Variants in SLC14A2 observed in about 807,000 individuals in gnomAD.
The protein encoded by SLC14A2 is urea transporter 2.
A neutral mutation model predicts 104.6 loss-of-function variants in SLC14A2; 91 were observed. The ratio of observed to expected loss-of-function variants is 0.87; its 90% CI spans 0.73 to 1.04. SLC14A2 has a LOEUF of 1.04. Among genes scored for constraint, SLC14A2 ranks in the 50% least tolerant of loss-of-function variants. The pLI is 0.00. For synonymous variants in SLC14A2, 476 were observed against 466.4 expected (o/e 1.02, Z -0.27); for missense variants, 1,189 against 1,156.0 (o/e 1.03, Z -0.41).
chr18:45,348,571 A>G (rs1449905056), intron 1 of SLC14A2, among the ~76,000 whole-genome samples: 4 of 152,188 alleles, frequency 2.6e-5, no homozygotes, highest in South Asian at 2.1e-4. Flanking sequence ...CCCCAGTTAT[A>G]CTATTTGACC....
Position 45,625,666 on chromosome 18 carries a change from T to C in SLC14A2, c.151-17T>C. On this transcript the variant is annotated splice_polypyrimidine_tract_variant and intron_variant, in intron 2 of 19. Coordinates refer to ENST00000255226, the MANE Select transcript of SLC14A2 (RefSeq NM_007163.4). ...GAAAGCTGTATCATTTGATGTCTGG[T>C]TGGTTTCTCCTAAAAGGATCTCCGG... 2 of 1,521,608 alleles carry C rather than the reference T, an allele frequency of 1.3e-6. No homozygotes were observed. Among genetic ancestry groups the C allele is most frequent in the Non-Finnish European group, 1.8e-6 (2 of 1,139,028 alleles). 94.3% of individuals were successfully genotyped at this position (1,521,608 alleles called of 1,614,324 possible).
At chr18:45,240,629 T>TG (rs1401121139) in intron 1 of SLC14A2, among the ~76,000 whole-genome samples, 2 of 148,632 alleles carry the variant, frequency 1.3e-5, no homozygotes, top group African/African-American at 2.6e-5. Context: ...AGGGAGAAAG[T>TG]GTTTTTTTTT....
intron 2 of SLC14A2, among the ~76,000 whole-genome samples, chr18:45,587,470 A>G (rs1287827754): frequency 6.6e-6 from 1 of 152,094 alleles, no homozygotes; most frequent in Non-Finnish European, 1.5e-5. Flanking sequence ...CCTCTTGTCT[A>G]TTTTTTATCC....
chr18:45,453,501 G>A (rs1413804987), intron 1 of SLC14A2, among the ~76,000 whole-genome samples: 1 of 152,224 alleles, frequency 6.6e-6, no homozygotes, highest in East Asian at 1.9e-4. Flanking sequence ...TAGCAGTGCT[G>A]TGTTGAGCCA....
intron 2 of SLC14A2, among the ~76,000 whole-genome samples, chr18:45,488,215 G>A (rs939598349): frequency 1.3e-5 from 2 of 152,116 alleles, no homozygotes; most frequent in East Asian, 1.9e-4. Flanking sequence ...CAGGGATAAC[G>A]TGAGCATGGC....
chr18:45,181,791 G>A, the SLC14A2 span, among the ~76,000 whole-genome samples: 1 of 143,166 alleles, frequency 7.0e-6, no homozygotes, highest in Non-Finnish European at 1.6e-5. Context: ...GAAATTTACA[G>A]AAAAACAGTT....
chr18:45,527,917 G>A (rs775599238), intron 2 of SLC14A2: 4 of 152,162 alleles, frequency 2.6e-5, no homozygotes, highest in Non-Finnish European at 5.9e-5. Context: ...TTATTGATGT[G>A]AAGTCTTGAC....
chr18:45,196,072 G>A, the SLC14A2 span, among the ~76,000 whole-genome samples: 40 of 152,140 alleles, frequency 2.6e-4, no homozygotes, highest in African/African-American at 8.4e-4. Flanking sequence ...GTTACAGTTC[G>A]GCTTTTGCCT....
At chr18:45,609,015 G>A (rs962731981) in intron 2 of SLC14A2, among the ~76,000 whole-genome samples, 2 of 152,194 alleles carry the variant, frequency 1.3e-5, no homozygotes, top group African/African-American at 4.8e-5. Context: ...GCTTCTCAGG[G>A]AAGATTGTTG....
chr18:45,310,268 A>G (rs931809798), intron 1 of SLC14A2, among the ~76,000 whole-genome samples: 9 of 152,180 alleles, frequency 5.9e-5, no homozygotes, highest in African/African-American at 2.2e-4. Context: ...TTTATCGGAT[A>G]TTACCATATT....
intron 1 of SLC14A2, among the ~76,000 whole-genome samples, chr18:45,458,225 T>C (rs1401134024): frequency 1.3e-5 from 2 of 152,074 alleles, no homozygotes; most frequent in Non-Finnish European, 2.9e-5. Flanking sequence ...CAAAGGAGCT[T>C]TCTGGAAAGG....
At chr18:45,566,069 G>A (rs1307405770) in intron 2 of SLC14A2, among the ~76,000 whole-genome samples, 1 of 152,200 alleles carries the variant, frequency 6.6e-6, no homozygotes. Flanking sequence ...AAAAACTTTG[G>A]TTGGTTTATG....
the SLC14A2 span, among the ~76,000 whole-genome samples, chr18:45,173,097 C>T: frequency 4.6e-5 from 7 of 152,160 alleles, no homozygotes; most frequent in Admixed American, 3.9e-4. Context: ...ATGTGATTAG[C>T]TGCCTGTGCA....
At chr18:45,190,883 G>T in the SLC14A2 span, among the ~76,000 whole-genome samples, 1 of 152,148 alleles carries the variant, frequency 6.6e-6, no homozygotes, top group African/African-American at 2.4e-5. Flanking sequence ...GCAGGGCCAG[G>T]ATTATAAACT....
At chr18:45,455,357 A>G (rs2144623586) in intron 1 of SLC14A2, among the ~76,000 whole-genome samples, 1 of 152,288 alleles carries the variant, frequency 6.6e-6, no homozygotes, top group East Asian at 1.9e-4. Context: ...GACATGGAGG[A>G]AGCTGGAAAC....
intron 1 of SLC14A2, among the ~76,000 whole-genome samples, chr18:45,477,957 C>T (rs2087416558): frequency 6.6e-6 from 1 of 152,198 alleles, no homozygotes; most frequent in African/African-American, 2.4e-5. Context: ...GACCACTTGG[C>T]TCCCTGGCTT....
intron 6 of SLC14A2, among the ~76,000 whole-genome samples, chr18:45,638,455 AG>A (rs1251927985): frequency 6.6e-6 from 1 of 152,224 alleles, no homozygotes; most frequent in Admixed American, 6.5e-5. Flanking sequence ...TTTGGTCCAA[AG>A]GGAGAAACTA....
rs368391173 is a variant in SLC14A2 at position 45,637,065 on chromosome 18, T to C, written c.726T>C (p.Ile242=). ...DLPVFTLPFN[I]AVTLYLAATG... ...CGGTCTTCACTCTGCCCTTCAACATTGCAGTCACCTTGTACCTTGCAGCCA... is the reference window on the plus strand; with the variant it reads ...CGGTCTTCACTCTGCCCTTCAACATCGCAGTCACCTTGTACCTTGCAGCCA... Residue 242 remains isoleucine (I), a synonymous_variant, in exon 6 of 20, where the codon ATT becomes ATC. Coordinates refer to ENST00000255226, the MANE Select transcript of SLC14A2 (RefSeq NM_007163.4). The C allele has an allele frequency of 4.8e-5, 78 of 1,614,036 alleles. No homozygotes were observed. Among genetic ancestry groups the C allele is most frequent in the Non-Finnish European group, 5.5e-5 (65 of 1,179,992 alleles).
chr18:45,235,931 GTATATATACATATA>G (rs2084228391), intron 1 of SLC14A2, among the ~76,000 whole-genome samples: 1 of 104,418 alleles, frequency 9.6e-6, no homozygotes, highest in African/African-American at 3.9e-5. Flanking sequence ...GTGTATATAT[GTATATATACATATA>G]TGTGTGTATA....
Sources: gnomAD v4.1 joint callset for allele counts (sites outside exome capture counted in the v4.1 genomes callset) on GRCh38, gnomAD v4.1.1 for gene constraint, MANE v1.5 for transcripts, NCBI Gene and HGNC (gene_info 2026-07-23, HGNC 2026-07-21) for gene names.